Variants in LDLRAD4 observed in about 807,000 individuals in gnomAD.
LDLRAD4 encodes the protein low density lipoprotein receptor class A domain containing 4, also known as low-density lipoprotein receptor class A domain-containing protein 4.
Under a neutral mutation model 17.0 loss-of-function variants are expected in LDLRAD4, and 5 were observed. The ratio of observed to expected loss-of-function variants is 0.29; its 90% CI spans 0.15 to 0.62. The LOEUF (loss-of-function observed/expected upper bound fraction) is 0.62. Among genes scored for constraint, LDLRAD4 ranks in the 20% least tolerant of loss-of-function variants. The pLI is 0.84. For synonymous variants in LDLRAD4, 168 were observed against 171.8 expected (o/e 0.98, Z 0.17); for missense variants, 340 against 424.7 (o/e 0.80, Z 1.75).
intron 2 of LDLRAD4, among the ~76,000 whole-genome samples, chr18:13,416,509 C>T (rs1037291645): frequency 3.3e-5 from 5 of 152,250 alleles, no homozygotes; most frequent in East Asian, 3.9e-4. Context: ...TAGAGACACA[C>T]GGTGAAAACA....
intron 3 of LDLRAD4, chr18:13,612,884 C>T: frequency 7.7e-7 from 1 of 1,303,670 alleles, no homozygotes; most frequent in Admixed American, 2.1e-5. Context: ...AGCTCTTTCT[C>T]AAGAAGTTTC....
At chr18:13,401,203 G>A (rs2087158653) in intron 2 of LDLRAD4, among the ~76,000 whole-genome samples, 1 of 152,044 alleles carries the variant, frequency 6.6e-6, no homozygotes, top group East Asian at 1.9e-4. Context: ...CAGTGTGTCA[G>A]TTGTCCAGAG....
intron 2 of LDLRAD4, among the ~76,000 whole-genome samples, chr18:13,401,496 T>A (rs956576987): frequency 1.3e-5 from 2 of 151,986 alleles, no homozygotes; most frequent in Non-Finnish European, 2.9e-5. Context: ...CTCAGATGTG[T>A]TGGTGTGAGC....
intron 3 of LDLRAD4, among the ~76,000 whole-genome samples, chr18:13,513,117 C>CAT: frequency 6.6e-6 from 1 of 152,214 alleles, no homozygotes; most frequent in African/African-American, 2.4e-5. Flanking sequence ...CATAAGTGTG[C>CAT]ACAGTCTGAT....
chr18:13,424,106 G>T (rs1363556545), intron 2 of LDLRAD4, among the ~76,000 whole-genome samples: 1 of 150,136 alleles, frequency 6.7e-6, no homozygotes, highest in African/African-American at 2.5e-5. Flanking sequence ...TTGCACTCCA[G>T]CCTGGGCGAC....
intron 4 of LDLRAD4, chr18:13,642,233 G>T (rs925193966): frequency 3.0e-5 from 30 of 986,388 alleles, no homozygotes; most frequent in Middle Eastern, 5.2e-4. Flanking sequence ...CCTCGCTGCT[G>T]GCGCCGGGGC....
At chr18:13,545,509 CATCTT>C (rs767460939) in intron 3 of LDLRAD4, among the ~76,000 whole-genome samples, 6 of 152,156 alleles carry the variant, frequency 3.9e-5, no homozygotes, top group African/African-American at 1.4e-4. Context: ...CATCCTGTGT[CATCTT>C]GTCTTGTCCT....
intron 3 of LDLRAD4, among the ~76,000 whole-genome samples, chr18:13,445,590 G>C (rs1038987437): frequency 6.6e-6 from 1 of 151,348 alleles, no homozygotes; most frequent in Admixed American, 6.6e-5. Context: ...ATGCGTGAGG[G>C]TCTATGGTAC....
At chr18:13,535,808 A>T (rs2094194194) in intron 3 of LDLRAD4, among the ~76,000 whole-genome samples, 1 of 152,168 alleles carries the variant, frequency 6.6e-6, no homozygotes, top group Non-Finnish European at 1.5e-5. Context: ...TAGTTCTATG[A>T]TCCTATCAAG....
intron 2 of LDLRAD4, among the ~76,000 whole-genome samples, chr18:13,410,169 C>T (rs1230927610): frequency 1.3e-5 from 2 of 152,078 alleles, no homozygotes; most frequent in African/African-American, 4.8e-5. Flanking sequence ...GGACTTCCGA[C>T]CTGACATGGC....
rs1309428425 is a variant in LDLRAD4 at position 13,367,802 on chromosome 18, C to T, written c.-382-19539C>T. ...AGCGGGGCCTGGGGGCACGTGCTTT[C>T]AGGGGATGTACTGAGAGAGAGGGGA... On this transcript the variant is annotated intron_variant, in intron 1 of 5. Coordinates refer to ENST00000359446, the Ensembl canonical transcript of LDLRAD4. The surrounding 1 kb of genome is among the most constrained non-coding windows in gnomAD (Gnocchi z 4.1). 6.8e-6 allele frequency among the ~76,000 whole-genome samples: 1 copy of T among 146,996 alleles called. No homozygotes were observed. Among genetic ancestry groups the T allele is most frequent in the Non-Finnish European group, 1.5e-5 (1 of 66,828 alleles).
intron 3 of LDLRAD4, among the ~76,000 whole-genome samples, chr18:13,601,665 A>AG (rs1283566148): frequency 2.0e-5 from 3 of 150,882 alleles, no homozygotes; most frequent in African/African-American, 7.4e-5. Context: ...AAAAAAAAAA[A>AG]AGAAAAAAAA....
intron 3 of LDLRAD4, among the ~76,000 whole-genome samples, chr18:13,439,947 A>C (rs556550165): frequency 1.5e-3 from 224 of 152,320 alleles, no homozygotes; most frequent in African/African-American, 5.0e-3. Flanking sequence ...ACACAGGACA[A>C]TCCACAGCCA....
chr18:13,226,180 C>CTTGTTTTTTTTTTTTTTT (rs2041781438), intron 1 of LDLRAD4, among the ~76,000 whole-genome samples: 1 of 52,188 alleles, frequency 1.9e-5, no homozygotes, highest in Non-Finnish European at 3.3e-5. Context: ...CCATGCCTTG[C>CTTGTTTTTTTTTTTTTTT]TTTTTTTTTT....
At chr18:13,403,768 A>G (rs2087448385) in intron 2 of LDLRAD4, among the ~76,000 whole-genome samples, 1 of 152,236 alleles carries the variant, frequency 6.6e-6, no homozygotes, top group Non-Finnish European at 1.5e-5. Context: ...AATGAACAGA[A>G]TTCAGATTGG....
chr18:13,581,622 T>C (rs12958300), intron 3 of LDLRAD4, among the ~76,000 whole-genome samples: 1 of 152,348 alleles, frequency 6.6e-6, no homozygotes, highest in South Asian at 2.1e-4. Context: ...TTGTCTAAAG[T>C]TTGTCCAGCA....
Position 13,440,646 on chromosome 18 carries a change from C to T in LDLRAD4, c.181+2262C>T, listed in dbSNP as rs974816039. ...GGTTCGGCCTAGGGGAGTGACAGCT[C>T]CTTTCAGCTTGGTTTCTCTCCCTGT... On this transcript the variant is annotated intron_variant, in intron 3 of 5. Transcript: ENST00000359446. This position sits in a 1 kb window ranked among gnomAD's most constrained non-coding sequence, Gnocchi z 4.4. 1.3e-5 allele frequency among the ~76,000 whole-genome samples: 2 copies of T among 152,114 alleles called. No individual in the cohort carries two copies. The highest frequency in any genetic ancestry group is 6.5e-5 in the Admixed American group (1 of 15,270).
chr18:13,568,822 T>C (rs1183101797), intron 3 of LDLRAD4, among the ~76,000 whole-genome samples: 1 of 152,154 alleles, frequency 6.6e-6, no homozygotes, highest in East Asian at 1.9e-4. Context: ...ATCAAGTTAT[T>C]TAAATTTATA....
At chr18:13,242,124 G>A (rs2042690140) in intron 1 of LDLRAD4, 1 of 152,172 alleles carries the variant, frequency 6.6e-6, no homozygotes, top group African/African-American at 2.4e-5. Context: ...GGGGTTCTAG[G>A]AAAAAGAGAA....
Sources: allele counts gnomAD v4.1 joint callset (sites outside exome capture counted in the v4.1 genomes callset), GRCh38; gene constraint gnomAD v4.1.1; non-coding constraint Gnocchi (gnomAD v3.1); transcripts MANE v1.5; gene names NCBI Gene and HGNC (gene_info 2026-07-23, HGNC 2026-07-21).